The following ZFAND5 variants were observed in gnomAD, a reference collection of about 807,000 sequenced individuals.
ZFAND5 encodes the protein zinc finger AN1-type containing 5, also known as AN1-type zinc finger protein 5.
ZFAND5 carries 4 observed loss-of-function variants against 23.6 expected under a neutral mutation model. The ratio of observed to expected loss-of-function variants is 0.17; its 90% CI spans 0.08 to 0.39. The LOEUF is 0.39. ZFAND5 is among the 10% of genes least tolerant of loss of function. The pLI is 1.00. For missense variants in ZFAND5, 161 were observed against 253.7 expected (o/e 0.63, Z 2.48); for synonymous variants, 68 against 80.6 (o/e 0.84, Z 0.84).
chr9:72,356,153 A>T (rs1446001354), intron 6 of ZFAND5, 52 bp from the exon 7 acceptor site: 34 of 1,574,900 alleles, frequency 2.2e-5, no homozygotes, highest in Non-Finnish European at 2.9e-5. Flanking sequence ...AATTAAAAGA[A>T]AAAAAAGCCT....
intron 1 of ZFAND5, chr9:72,364,321 C>A: frequency 2.1e-6 from 2 of 935,378 alleles, no homozygotes; most frequent in Non-Finnish European, 2.7e-6. Context: ...CTAGGGGGGG[C>A]TGCAACGGGC....
chr9:72,362,160 G>GT (rs1359322013), intron 2 of ZFAND5, among the ~76,000 whole-genome samples: 3 of 152,158 alleles, frequency 2.0e-5, no homozygotes, highest in Non-Finnish European at 4.4e-5. Flanking sequence ...TTTAACAACA[G>GT]TATTAATTTA....
chr9:72,353,037 G>C lies in ZFAND5; in HGVS notation c.*2916C>G, dbSNP rs1267109302. The C allele has an allele frequency of 6.6e-6, 1 of 152,246 alleles. No homozygotes were observed. Among genetic ancestry groups the C allele is most frequent in the Non-Finnish European group, 1.5e-5 (1 of 68,050 alleles). The allele number at this position is 152,246 out of a possible 1,614,324, so 9.4% of individuals were successfully genotyped here. On this transcript the variant is annotated 3_prime_UTR_variant, in exon 7 of 7. Transcript: ENST00000376962. ...TCAAACCTGAGGCTCTAGTTTTACAGATCAGGCACACTGAAGATGAGGTTT... is the reference window on the plus strand; with the variant it reads ...TCAAACCTGAGGCTCTAGTTTTACACATCAGGCACACTGAAGATGAGGTTT...
chr9:72,356,979 G>A lies in ZFAND5; in HGVS notation c.445C>T (p.Pro149Ser), dbSNP rs1216006757. The A allele has an allele frequency of 6.2e-7, 1 of 1,613,468 alleles. No homozygotes were observed. The highest frequency in any genetic ancestry group is 1.1e-5 in the South Asian group (1 of 91,064). Residue 149 changes from proline to serine, a missense_variant, in exon 6 of 7, where the codon CCA (proline) becomes TCA (serine). Physicochemically the swap from Pro to Ser is moderately conservative, Grantham distance 74. Around this residue, in one of 3 missense-constraint regions of ZFAND5, gnomAD observed 24 missense variants for 80.0 expected, o/e 0.30. Coordinates refer to ENST00000376962, the MANE Select transcript of ZFAND5 (RefSeq NM_001102420.3). The part of the protein sequence containing the change: ...SEEKAPELPK[P>S]KKNRCFMCRK... ...CACATGAAACATCTGTTTTTCTTTG[G>A]TTTGGGCAATTCAGGAGCTTTTTCT...
chr9:72,356,224 C>G (rs1237722746), intron 6 of ZFAND5, 123 bp from the exon 7 acceptor site: 2 of 1,194,294 alleles, frequency 1.7e-6, no homozygotes, highest in Non-Finnish European at 2.3e-6. Flanking sequence ...ACAGTGAACT[C>G]TTTTCTTCCA....
At chr9:72,357,096 G>A in intron 5 of ZFAND5, 40 bp from the exon 6 acceptor site, 1 of 1,587,552 alleles carries the variant, frequency 6.3e-7, no homozygotes, top group Non-Finnish European at 8.6e-7. Context: ...AGCATTCACT[G>A]GCTAACATTT....
chr9:72,360,029 A>G (rs1842053219), intron 4 of ZFAND5, 81 bp downstream of exon 4: 4 of 1,188,748 alleles, frequency 3.4e-6, no homozygotes, highest in African/African-American at 1.5e-5. Flanking sequence ...AAGGGTATCT[A>G]TTAACTTATT....
At position 72,364,681 on chromosome 9, in the gene ZFAND5, C is replaced by G. The variant is rs12006111; in HGVS notation, c.-147+15G>C. ...CAAGGAGCCCGGCTCCCACCCGCAG[C>G]CCCGTATCACTCACCCTGCAGGGTC... is the stretch of plus-strand genomic sequence containing the variant. On this transcript the variant is annotated intron_variant, in intron 1 of 6. Transcript: ENST00000376962. The G allele has an allele frequency of 1.2e-5, 13 of 1,051,402 alleles. No homozygotes were observed. Among genetic ancestry groups the G allele is most frequent in the South Asian group, 1.0e-4 (6 of 58,424 alleles). The allele number at this position is 1,051,402 out of a possible 1,614,324, so 65.1% of individuals were successfully genotyped here.
intron 2 of ZFAND5, among the ~76,000 whole-genome samples, chr9:72,362,298 C>T (rs1477658630): frequency 6.6e-6 from 1 of 152,128 alleles, no homozygotes; most frequent in East Asian, 1.9e-4. Context: ...TTTAAATGAG[C>T]ATAATAGGAG....
Position 72,353,376 on chromosome 9 carries a change from AAAC to A in ZFAND5, c.*2574_*2576del, listed in dbSNP as rs1841831775. 6.6e-6 allele frequency: 1 copy of A among 152,174 alleles called. No individual in the cohort carries two copies. The highest frequency in any genetic ancestry group is 1.5e-5 in the Non-Finnish European group (1 of 68,062). 9.4% of individuals were successfully genotyped at this position (152,174 alleles called of 1,614,324 possible). ...CTTGTAAAACAAACAAACAAAAAAA[AAAC>A]AAAAAAAACTGATTGGCCGGGTGCG... On this transcript the variant is annotated 3_prime_UTR_variant, in exon 7 of 7. Coordinates refer to ENST00000376962, the MANE Select transcript of ZFAND5 (RefSeq NM_001102420.3).
Position 72,356,559 on chromosome 9 carries a change from G to T in ZFAND5, c.493+372C>A, listed in dbSNP as rs145965195. 2.5e-3 allele frequency among the ~76,000 whole-genome samples: 378 copies of T among 152,218 alleles called. 2 individuals carry two copies. Among genetic ancestry groups the T allele is most frequent in the African/African-American group, 8.5e-3 (351 of 41,536 alleles). ...TATCTTAAGTAATGCTTCCTCAAGT[G>T]AAAACAACCATCAAGGTCTGAGATT... On this transcript the variant is annotated intron_variant, in intron 6 of 6. Transcript: ENST00000376962.
rs768372721 is a variant in ZFAND5, at chr9:72,356,085, A to G, written c.510T>C (p.Cys170=). 2 of 1,613,346 alleles carry G rather than the reference A, an allele frequency of 1.2e-6. No homozygotes were observed. The highest frequency in any genetic ancestry group is 1.1e-5 in the South Asian group (1 of 90,882). The change falls in exon 7 of 7, where the codon TGT becomes TGC. Residue 170 remains cysteine, a synonymous_variant. Transcript: ENST00000376962. ...KVGLTGFDCR[C]GNLFCGLHRY... is the part of the protein sequence containing the mutation. The stretch of plus-strand genomic sequence containing the variant: ...GGTGAAGTCCACAAAACAAATTTCC[A>G]CATCGGCAGTCAAACCCTGTACAAA...
intron 1 of ZFAND5, 47 bp downstream of exon 1, chr9:72,364,649 C>A (rs1238438260): frequency 8.6e-7 from 1 of 1,158,728 alleles, no homozygotes; most frequent in Admixed American, 4.1e-5. Flanking sequence ...CGCCCCCGGC[C>A]CGGCAACAAG....
At position 72,354,785 on chromosome 9, in the gene ZFAND5, A is replaced by G. The variant is rs1285798850; in HGVS notation, c.*1168T>C. Reference sequence around the variant, plus strand: ...CATACATCACAAAAAACCTTCCATTATAACACAGAAGTGATTATTACCAGA... The same window carrying G: ...CATACATCACAAAAAACCTTCCATTGTAACACAGAAGTGATTATTACCAGA... On this transcript the variant is annotated 3_prime_UTR_variant, in exon 7 of 7. Transcript: ENST00000376962. 4 of 152,638 alleles carry G rather than the reference A, an allele frequency of 2.6e-5. No individual in the cohort carries two copies. The highest frequency in any genetic ancestry group is 2.1e-4 in the South Asian group (1 of 4,836). 9.5% of individuals were successfully genotyped at this position (152,638 alleles called of 1,614,324 possible).
rs190587737 is a variant in ZFAND5, at chr9:72,357,828, A to G, written c.368-772T>C. ...CAGTCCCACCGTTTCTCCACCTAAAAAGGCTTTAAGTTTCAGTGTACACAT... is the reference window on the plus strand; with the variant it reads ...CAGTCCCACCGTTTCTCCACCTAAAGAGGCTTTAAGTTTCAGTGTACACAT... On this transcript the variant is annotated intron_variant, in intron 5 of 6. Transcript: ENST00000376962. 3.3e-5 allele frequency among the ~76,000 whole-genome samples: 5 copies of G among 152,220 alleles called. No homozygotes were observed. In the East Asian group the frequency reaches 9.6e-4, roughly 29 times the overall value.
rs1331856155 is a variant in ZFAND5, at chr9:72,355,231, A to G, written c.*722T>C. On this transcript the variant is annotated 3_prime_UTR_variant, in exon 7 of 7. Transcript: ENST00000376962. The stretch of plus-strand genomic sequence containing the variant: ...ATCCTAGTGCAGTTCTGTGCTACAC[A>G]TTTTTAGCAATGAGTAATGCAGACA... The G allele has an allele frequency of 1.3e-5, 2 of 152,648 alleles. No homozygotes were observed. Among genetic ancestry groups the G allele is most frequent in the African/African-American group, 2.4e-5 (1 of 41,438 alleles). 9.5% of individuals were successfully genotyped at this position (152,648 alleles called of 1,614,324 possible).
In ZFAND5 at chr9:72,364,805, G is replaced by C. The variant is rs560664859; in HGVS notation, c.-256C>G. ...CCGGGCGCCCTGGTGCCGCCGCCGC[G>C]GGCCGGGAGCGGGTCGGAGCAGCAG... On this transcript the variant is annotated 5_prime_UTR_variant, in exon 1 of 7. Transcript: ENST00000376962. The C allele has an allele frequency of 1.3e-4, 27 of 206,944 alleles. No homozygotes were observed. The South Asian group carries it at 2.8e-3, about 21-fold the overall frequency. 12.8% of individuals were successfully genotyped at this position (206,944 alleles called of 1,614,324 possible).
At chr9:72,364,450 T>C (rs945912231) in intron 1 of ZFAND5, 25 of 1,271,034 alleles carry the variant, frequency 2.0e-5, no homozygotes, top group South Asian at 3.8e-5. Flanking sequence ...ACGCCGTGCA[T>C]TGTTTCCCGA....
chr9:72,352,919 G>A lies in ZFAND5; in HGVS notation c.*3034C>T, dbSNP rs187941693. The A allele has an allele frequency of 1.6e-4, 24 of 152,330 alleles. No homozygotes were observed. In the East Asian group the frequency reaches 4.0e-3, roughly 26 times the overall value. 9.4% of individuals were successfully genotyped at this position (152,330 alleles called of 1,614,324 possible). ...TGCCCAAAATCACGGGCTGGTTCCA[G>A]GGTCCCTCATCTTAATCACTATGCC... On this transcript the variant is annotated 3_prime_UTR_variant, in exon 7 of 7. Coordinates refer to ENST00000376962, the MANE Select transcript of ZFAND5 (RefSeq NM_001102420.3).
Sources: gnomAD v4.1 joint callset for allele counts (sites outside exome capture counted in the v4.1 genomes callset) on GRCh38, gnomAD v4.1.1 for gene constraint, gnomAD v4.1.1 regional missense constraint, MANE v1.5 for transcripts, NCBI Gene and HGNC (gene_info 2026-07-23, HGNC 2026-07-21) for gene names.